SLC24A4: variants seen among roughly 807,000 people sequenced by gnomAD.
The protein encoded by SLC24A4 is sodium/potassium/calcium exchanger 4.
A neutral mutation model predicts 79.0 loss-of-function variants in SLC24A4; 53 were observed. That is an observed-to-expected ratio of 0.67 (90% CI 0.54 to 0.84). SLC24A4 has a LOEUF of 0.84. Ranked by LOEUF, SLC24A4 falls within the 40% of genes least tolerant of loss-of-function variation. The pLI is 0.00. For synonymous variants in SLC24A4, 323 were observed against 323.8 expected (o/e 1.00, Z 0.03); for missense variants, 731 against 822.0 (o/e 0.89, Z 1.35).
chr14:92,478,378 A>G (rs1468452277), intron 12 of SLC24A4, among the ~76,000 whole-genome samples: 1 of 152,184 alleles, frequency 6.6e-6, no homozygotes, highest in Non-Finnish European at 1.5e-5. Flanking sequence ...CTGTCTCTGC[A>G]CCATTTGTTG....
chr14:92,387,377 A>G (rs950914820), intron 2 of SLC24A4, among the ~76,000 whole-genome samples: 10 of 151,866 alleles, frequency 6.6e-5, no homozygotes, highest in Admixed American at 4.6e-4. Flanking sequence ...GGGTTTTGCC[A>G]TGTTGACTAG....
chr14:92,460,471 G>A (rs1429929881), intron 12 of SLC24A4, among the ~76,000 whole-genome samples: 1 of 152,182 alleles, frequency 6.6e-6, no homozygotes, highest in Non-Finnish European at 1.5e-5. Context: ...AAAGATCGTA[G>A]GTTCCAGAAT....
chr14:92,460,774 T>TAA (rs1893751730), intron 12 of SLC24A4, among the ~76,000 whole-genome samples: 1 of 152,140 alleles, frequency 6.6e-6, no homozygotes, highest in African/African-American at 2.4e-5. Flanking sequence ...ATACAGCTGA[T>TAA]AAGTGGGGAG....
intron 7 of SLC24A4, among the ~76,000 whole-genome samples, 192 bp downstream of exon 7, chr14:92,443,666 A>G (rs1892631727): frequency 1.3e-5 from 2 of 152,150 alleles, no homozygotes; most frequent in South Asian, 4.1e-4. Flanking sequence ...CCTTTCCCCA[A>G]AACCTCAGAC....
At chr14:92,431,423 G>A (rs539998778) in intron 2 of SLC24A4, among the ~76,000 whole-genome samples, 1 of 152,232 alleles carries the variant, frequency 6.6e-6, no homozygotes, top group South Asian at 2.1e-4. Context: ...GCACGGAACA[G>A]CTGTGTGGGA....
chr14:92,467,724 T>C (rs1248706282), intron 12 of SLC24A4, among the ~76,000 whole-genome samples: 1 of 152,170 alleles, frequency 6.6e-6, no homozygotes, highest in Non-Finnish European at 1.5e-5. Context: ...CCTAGGACCA[T>C]GTATCAGGGT....
chr14:92,456,337 A>G (rs7156906), intron 11 of SLC24A4, 67 bp from the exon 12 acceptor site: 604,364 of 1,543,278 alleles, frequency 0.39, 119,837 homozygotes, highest in African/African-American at 0.48. Context: ...TGAGGGACCC[A>G]GCGTATAGCA....
rs1407089271 is a variant in SLC24A4, at chr14:92,398,377, G to A, written c.242-35535G>A. ...GGCTGGCAGCAGGCTGGTGGGCGGA[G>A]CAAGCATCCACACAGAGTGTTGGAG... On this transcript the variant is annotated intron_variant, in intron 2 of 16. Transcript: ENST00000532405. The surrounding 1 kb of genome is among the most constrained non-coding windows in gnomAD (Gnocchi z 4.1). Among the ~76,000 whole-genome samples the A allele has an allele frequency of 6.6e-6, 1 of 152,150 alleles. No individual in the cohort carries two copies. Among genetic ancestry groups the A allele is most frequent in the Admixed American group, 6.5e-5 (1 of 15,284 alleles).
intron 2 of SLC24A4, among the ~76,000 whole-genome samples, chr14:92,338,089 C>A (rs1885916477): frequency 6.6e-6 from 1 of 152,144 alleles, no homozygotes; most frequent in African/African-American, 2.4e-5. Flanking sequence ...CAAGAGATGA[C>A]CCAGATCACA....
chr14:92,334,173 A>AG (rs1353044885), intron 2 of SLC24A4, among the ~76,000 whole-genome samples: 4 of 152,240 alleles, frequency 2.6e-5, no homozygotes, highest in African/African-American at 9.6e-5. Context: ...ATTTTGAGTT[A>AG]GAAAAGCAAG....
chr14:92,401,496 A>G lies in SLC24A4; in HGVS notation c.242-32416A>G, dbSNP rs758449361. 4.2e-4 allele frequency among the ~76,000 whole-genome samples: 64 copies of G among 152,274 alleles called. 1 individual carries two copies. The highest frequency in any genetic ancestry group is 7.2e-5 in the African/African-American group (3 of 41,564). On this transcript the variant is annotated intron_variant, in intron 2 of 16. Coordinates refer to ENST00000532405, the MANE Select transcript of SLC24A4 (RefSeq NM_153646.4). ...TACATCATGATAATGGCCAGAGTGC[A>G]TGTGTGTGCAAAGCACAGAAGGACT... is the stretch of plus-strand genomic sequence containing the variant.
chr14:92,378,944 C>G (rs1422977748), intron 2 of SLC24A4, among the ~76,000 whole-genome samples: 4 of 152,100 alleles, frequency 2.6e-5, no homozygotes, highest in Non-Finnish European at 4.4e-5. Flanking sequence ...TACCTGTAGT[C>G]TCAGCTACTT....
Position 92,441,461 on chromosome 14 carries a change from C to G in SLC24A4, c.394-628C>G, listed in dbSNP as rs1216307209. ...TCTTTGTGAGCCACTGGATGTCAGG[C>G]CTGCCGTGGAGAAGGCCTTCCAGAA... On this transcript the variant is annotated intron_variant, in intron 4 of 16. Transcript: ENST00000532405. This position sits in a 1 kb window ranked among gnomAD's most constrained non-coding sequence, Gnocchi z 4.6. Among the ~76,000 whole-genome samples, 1 of 152,208 alleles carries G rather than the reference C, an allele frequency of 6.6e-6. No individual in the cohort carries two copies. The highest frequency in any genetic ancestry group is 1.5e-5 in the Non-Finnish European group (1 of 68,038).
At chr14:92,458,501 C>T (rs1235147886) in intron 12 of SLC24A4, among the ~76,000 whole-genome samples, 1 of 152,190 alleles carries the variant, frequency 6.6e-6, no homozygotes, top group African/African-American at 2.4e-5. Flanking sequence ...ACTCAGCCAC[C>T]AGGGCTGTGT....
At chr14:92,421,496 A>G (rs1314408976) in intron 2 of SLC24A4, among the ~76,000 whole-genome samples, 2 of 151,608 alleles carry the variant, frequency 1.3e-5, no homozygotes, top group African/African-American at 4.9e-5. Context: ...ATTCTTTCAT[A>G]CACCACGATT....
intron 2 of SLC24A4, among the ~76,000 whole-genome samples, chr14:92,339,701 A>G (rs575048268): frequency 6.6e-6 from 1 of 152,338 alleles, no homozygotes; most frequent in East Asian, 1.9e-4. Context: ...TTAAACACCC[A>G]AAGACCTTTG....
At chr14:92,395,316 G>A (rs1023211874) in intron 2 of SLC24A4, among the ~76,000 whole-genome samples, 1 of 152,036 alleles carries the variant, frequency 6.6e-6, no homozygotes, top group Non-Finnish European at 1.5e-5. Context: ...CTGGAGCACT[G>A]CAGTGTTACA....
chr14:92,359,625 C>G (rs1274350816), intron 2 of SLC24A4, among the ~76,000 whole-genome samples: 1 of 151,924 alleles, frequency 6.6e-6, no homozygotes, highest in African/African-American at 2.4e-5. Flanking sequence ...CAAGCATTAC[C>G]ACACATGCAG....
At chr14:92,341,966 C>T (rs914394163) in intron 2 of SLC24A4, among the ~76,000 whole-genome samples, 4 of 152,126 alleles carry the variant, frequency 2.6e-5, no homozygotes, top group Non-Finnish European at 5.9e-5. Context: ...CCGATATAGC[C>T]GTGTGTGAAA....
Sources: allele counts gnomAD v4.1 joint callset (sites outside exome capture counted in the v4.1 genomes callset), GRCh38; gene constraint gnomAD v4.1.1; non-coding constraint Gnocchi (gnomAD v3.1); transcripts MANE v1.5; gene names NCBI Gene and HGNC (gene_info 2026-07-23, HGNC 2026-07-21).